The following LMBR1 variants were observed in gnomAD, a reference collection of about 807,000 sequenced individuals.
LMBR1 encodes limb region 1 protein homolog.
In LMBR1, 52 loss-of-function variants were observed where a neutral mutation model predicts 73.9. That is an observed-to-expected ratio of 0.70 (90% CI 0.56 to 0.89). LMBR1 has a LOEUF of 0.89. LMBR1 is among the 40% of genes least tolerant of loss of function. LMBR1 has a pLI of 0.00. For synonymous variants in LMBR1, 215 were observed against 209.4 expected, an observed-to-expected ratio of 1.03 and a Z score of -0.23; for missense variants, 539 against 579.8, an observed-to-expected ratio of 0.93 and a Z score of 0.72.
chr7:156,814,197 T>C (rs1833543180), intron 4 of LMBR1, among the ~76,000 whole-genome samples: 1 of 152,186 alleles, frequency 6.6e-6, no homozygotes, highest in African/African-American at 2.4e-5. Context: ...CCCAGATCTC[T>C]TTTTCTTTCT....
chr7:156,867,568 G>C (rs1000213894), intron 1 of LMBR1, among the ~76,000 whole-genome samples: 1 of 152,048 alleles, frequency 6.6e-6, no homozygotes, highest in Non-Finnish European at 1.5e-5. Flanking sequence ...GAATATTATT[G>C]GACCATAAAA....
At chr7:156,702,363 C>T (rs1051434786) in intron 15 of LMBR1, among the ~76,000 whole-genome samples, 6 of 152,204 alleles carry the variant, frequency 3.9e-5, no homozygotes, top group Non-Finnish European at 5.9e-5. Context: ...ATTTGCATTT[C>T]TCTAATGCTC....
intron 8 of LMBR1, among the ~76,000 whole-genome samples, chr7:156,759,516 G>A (rs1008595645): frequency 1.3e-5 from 2 of 152,026 alleles, no homozygotes; most frequent in Non-Finnish European, 2.9e-5. Flanking sequence ...TAACTTATAG[G>A]TTTGTCATCA....
chr7:156,695,140 G>A (rs1808016444), intron 15 of LMBR1, among the ~76,000 whole-genome samples: 1 of 152,076 alleles, frequency 6.6e-6, no homozygotes, highest in African/African-American at 2.4e-5. Flanking sequence ...AAGAGCCAAA[G>A]ACTACACGAA....
At chr7:156,788,575 C>T (rs868492200) in intron 5 of LMBR1, among the ~76,000 whole-genome samples, 3 of 151,484 alleles carry the variant, frequency 2.0e-5, no homozygotes, top group Non-Finnish European at 2.9e-5. Flanking sequence ...TAATACCTGG[C>T]GTACTCACCA....
downstream of LMBR1, among the ~76,000 whole-genome samples, chr7:156,672,954 A>G (rs1290035153): frequency 1.3e-5 from 2 of 152,258 alleles, no homozygotes; most frequent in Non-Finnish European, 2.9e-5. Flanking sequence ...GCTGTAAAGC[A>G]TATCGCAGGG....
chr7:156,805,578 T>C (rs1831892499), intron 4 of LMBR1, among the ~76,000 whole-genome samples: 1 of 152,236 alleles, frequency 6.6e-6, no homozygotes, highest in African/African-American at 2.4e-5. Context: ...GTCAATCCTC[T>C]AACTTTGTTA....
At chr7:156,801,841 C>A (rs1831038699) in intron 4 of LMBR1, among the ~76,000 whole-genome samples, 1 of 152,112 alleles carries the variant, frequency 6.6e-6, no homozygotes, top group Non-Finnish European at 1.5e-5. Context: ...CAGCTACCAC[C>A]TTAATATTTT....
chr7:156,831,497 G>C (rs140868576), intron 3 of LMBR1, among the ~76,000 whole-genome samples: 3 of 152,164 alleles, frequency 2.0e-5, no homozygotes, highest in Admixed American at 6.5e-5. Flanking sequence ...TAAGGGCAGG[G>C]AAGAAAGATG....
intron 15 of LMBR1, among the ~76,000 whole-genome samples, chr7:156,713,187 G>C (rs957656913): frequency 6.6e-6 from 1 of 152,242 alleles, no homozygotes; most frequent in Admixed American, 6.5e-5. Context: ...TTCTGGGAAA[G>C]GTGAAACTAC....
chr7:156,881,006 T>C (rs1801005101), intron 1 of LMBR1, among the ~76,000 whole-genome samples: 1 of 152,088 alleles, frequency 6.6e-6, no homozygotes, highest in African/African-American at 2.4e-5. Flanking sequence ...AAAAGTCTTA[T>C]GGAATGACAA....
intron 15 of LMBR1, among the ~76,000 whole-genome samples, chr7:156,693,808 G>A (rs1304288548): frequency 1.3e-5 from 2 of 152,222 alleles, no homozygotes; most frequent in Non-Finnish European, 2.9e-5. Context: ...GCATCGCCCT[G>A]ATTCCAAAGC....
intron 5 of LMBR1, among the ~76,000 whole-genome samples, chr7:156,766,659 TG>T (rs1412040919): frequency 1.3e-5 from 2 of 152,134 alleles, no homozygotes; most frequent in Non-Finnish European, 2.9e-5. Flanking sequence ...AGAAGACTCC[TG>T]GGATCTATTA....
intron 4 of LMBR1, among the ~76,000 whole-genome samples, chr7:156,801,255 A>T (rs1830911467): frequency 6.6e-6 from 1 of 152,218 alleles, no homozygotes; most frequent in Admixed American, 6.5e-5. Context: ...ACGGTCACGC[A>T]ACCTTTAGCA....
chr7:156,843,835 C>CAAA (rs11288663), intron 1 of LMBR1, among the ~76,000 whole-genome samples: 3 of 120,896 alleles, frequency 2.5e-5, no homozygotes, highest in Admixed American at 8.5e-5. Context: ...GACCCTGTCT[C>CAAA]AAAAAAAAAA....
At chr7:156,812,969 C>T (rs1833355377) in intron 4 of LMBR1, among the ~76,000 whole-genome samples, 1 of 152,136 alleles carries the variant, frequency 6.6e-6, no homozygotes, top group Non-Finnish European at 1.5e-5. Context: ...GGATTATTGT[C>T]CTTCTTTGCC....
At chr7:156,848,987 C>T (rs1437860849) in intron 1 of LMBR1, among the ~76,000 whole-genome samples, 1 of 151,594 alleles carries the variant, frequency 6.6e-6, no homozygotes, top group African/African-American at 2.4e-5. Context: ...CCATTTGACC[C>T]AGCAATCCAA....
chr7:156,675,832 C>G (rs755524606), downstream of LMBR1: 1 of 1,614,072 alleles, frequency 6.2e-7, no homozygotes, highest in East Asian at 2.2e-5. Context: ...CATGAGATCA[C>G]AGAAGAGGAA....
chr7:156,888,448 T>C (rs142521516), intron 1 of LMBR1, among the ~76,000 whole-genome samples: 84 of 150,586 alleles, frequency 5.6e-4, no homozygotes, highest in African/African-American at 1.9e-3. Flanking sequence ...AGAATTATCA[T>C]ATGATCCAGC....
Sources: gnomAD v4.1 joint callset for allele counts (sites outside exome capture counted in the v4.1 genomes callset) on GRCh38, gnomAD v4.1.1 for gene constraint, MANE v1.5 for transcripts, NCBI Gene and HGNC (gene_info 2026-07-23, HGNC 2026-07-21) for gene names.